TTN: variants seen among roughly 807,000 people sequenced by gnomAD.
TTN encodes the protein titin.
TTN carries 1,525 observed loss-of-function variants against 3,223.0 expected under a neutral mutation model. The ratio of observed to expected loss-of-function variants is 0.47; its 90% CI spans 0.45 to 0.49. The LOEUF is 0.49. Ranked by LOEUF, TTN falls within the 20% of genes least tolerant of loss-of-function variation. TTN has a pLI of 0.00. For missense variants in TTN, 40,786 were observed against 43,424.0 expected, an observed-to-expected ratio of 0.94 and a Z score of 5.40; for synonymous variants, 14,094 against 15,161.0, an observed-to-expected ratio of 0.93 and a Z score of 5.17.
At position 178,702,612 on chromosome 2, in the gene TTN, T is replaced by A; in HGVS notation, c.30275A>T (p.His10092Leu). 6.2e-7 allele frequency: 1 copy of A among 1,614,022 alleles called. No homozygotes were observed. The highest frequency in any genetic ancestry group is 2.2e-5 in the East Asian group (1 of 44,888). ...TTCACACTCAAAGGTGGCAGACTGA[T>A]GCTCACTCACCACGATGTTCTGTAT... ...KRIQNIVVSEHQSATFECEVS... is the reference protein window; with the variant it reads ...KRIQNIVVSELQSATFECEVS... The change falls in exon 107 of 363, where the codon CAT becomes CTT. Residue 10092 changes from histidine (H) to leucine (L), a missense_variant. Transcript: ENST00000589042.
chr2:178,613,812 C>A lies in TTN; in HGVS notation c.49471G>T (p.Asp16491Tyr). 6.2e-7 allele frequency: 1 copy of A among 1,612,638 alleles called. No individual in the cohort carries two copies. The highest frequency in any genetic ancestry group is 1.3e-5 in the African/African-American group (1 of 74,922). ...PITGYWVERLDPDTDKWVRCN... is the reference protein window; with the variant it reads ...PITGYWVERLYPDTDKWVRCN... ...CTAACCCATTTATCTGTATCAGGATCCAGTCTTTCAACCCAGTATCCTGTG... is the reference window on the plus strand; with the variant it reads ...CTAACCCATTTATCTGTATCAGGATACAGTCTTTCAACCCAGTATCCTGTG... The change falls in exon 263 of 363, where the codon GAT (aspartate) becomes TAT (tyrosine). Residue 16491 changes from aspartate (D) to tyrosine (Y), a missense_variant. Transcript: ENST00000589042.
In TTN at chr2:178,729,113, C is replaced by A; in HGVS notation, c.18925G>T (p.Ala6309Ser). 6.2e-7 allele frequency: 1 copy of A among 1,608,906 alleles called. No individual in the cohort carries two copies. The highest frequency in any genetic ancestry group is 8.5e-7 in the Non-Finnish European group (1 of 1,177,678). ...CCTGCCACGGTACTCTGAAAGGTGGCAGAACTTTTCAAAACAGTAGTGGTA... is the reference window on the plus strand; with the variant it reads ...CCTGCCACGGTACTCTGAAAGGTGGAAGAACTTTTCAAAACAGTAGTGGTA... ...ENTTTVLKSS[A>S]TFQSTVAGSP... is the part of the protein sequence containing the mutation. Residue 6309 changes from alanine (A) to serine (S), a missense_variant, in exon 65 of 363, where the codon GCC (alanine) becomes TCC (serine). Transcript: ENST00000589042.
chr2:178,599,098 A>G, intron 290 of TTN, 36 bp from the exon 291 acceptor site: 1 of 1,508,470 alleles, frequency 6.6e-7, no homozygotes, highest in Non-Finnish European at 8.8e-7. Flanking sequence ...AAGAAATTTA[A>G]AAAAAAAGTA....
chr2:178,668,969 A>G (rs1328292492), intron 159 of TTN, among the ~76,000 whole-genome samples: 1 of 151,824 alleles, frequency 6.6e-6, no homozygotes, highest in African/African-American at 2.4e-5. Context: ...AATGTTTCCA[A>G]TTATGGTTAT....
intron 71 of TTN, chr2:178,724,783 A>T (rs954527111): frequency 5.7e-6 from 2 of 348,830 alleles, no homozygotes; most frequent in African/African-American, 4.2e-5. Flanking sequence ...CTGTCGTCTT[A>T]TGTAGCAATT....
At position 178,663,641 on chromosome 2, in the gene TTN, A is replaced by T; in HGVS notation, c.36518T>A (p.Val12173Asp). 1 of 1,613,744 alleles carries T rather than the reference A, an allele frequency of 6.2e-7. No individual in the cohort carries two copies. The highest frequency in any genetic ancestry group is 8.5e-7 in the Non-Finnish European group (1 of 1,179,730). Residue 12173 changes from valine to aspartate, a missense_variant, in exon 171 of 363, where the codon GTC (valine) becomes GAC (aspartate). By Grantham distance (152) the Val-to-Asp change is radical. Coordinates refer to ENST00000589042, the MANE Select transcript of TTN (RefSeq NM_001267550.2). ...GTGACAAATACCTTTAACAGGTGGG[A>T]CTTCAGGCTCTTTAGGAGGAGCCAC... ...APVAPPKEPE[V>D]PPVKVPEAPK...
In TTN at chr2:178,554,422, G is replaced by A. The variant is rs747226424; in HGVS notation, c.88894+31C>T. 14 of 1,597,522 alleles carry A rather than the reference G, an allele frequency of 8.8e-6. No homozygotes were observed. The South Asian group carries it at 1.1e-4, about 13-fold the overall frequency. ...CGTAGTTTATTTTTAAATTTTTCACGTTTCAGTTTTCTAATGAAATCATGT... is the reference window on the plus strand; with the variant it reads ...CGTAGTTTATTTTTAAATTTTTCACATTTCAGTTTTCTAATGAAATCATGT... On this transcript the variant is annotated intron_variant, in intron 332 of 362. Coordinates refer to ENST00000589042, the MANE Select transcript of TTN (RefSeq NM_001267550.2).
Position 178,527,002 on chromosome 2 carries a change from A to G in TTN, c.*10T>C, listed in dbSNP as rs1286545168. 1.9e-6 allele frequency: 3 copies of G among 1,603,922 alleles called. No homozygotes were observed. The highest frequency in any genetic ancestry group is 2.6e-6 in the Non-Finnish European group (3 of 1,173,214). On this transcript the variant is annotated 3_prime_UTR_variant, in exon 363 of 363. Transcript: ENST00000589042. Reference sequence around the variant, plus strand: ...AAGAATGAGTGTAGAGTATAAGGGCACAGGCCCTCTTAAATGGATCGAATA... The same window carrying G: ...AAGAATGAGTGTAGAGTATAAGGGCGCAGGCCCTCTTAAATGGATCGAATA...
intron 88 of TTN, 136 bp downstream of exon 88, chr2:178,716,959 T>C (rs1333982044): frequency 2.1e-6 from 2 of 941,100 alleles, no homozygotes; most frequent in Non-Finnish European, 2.9e-6. Flanking sequence ...ATTTGGAAGG[T>C]CCTTGATCCA....
chr2:178,807,011 A>G (rs1255260225), intron 1 of TTN, among the ~76,000 whole-genome samples: 1 of 152,242 alleles, frequency 6.6e-6, no homozygotes, highest in Non-Finnish European at 1.5e-5. Context: ...CTGATATAAT[A>G]AAGCTTTCAA....
intron 127 of TTN, among the ~76,000 whole-genome samples, 169 bp downstream of exon 127, chr2:178,687,942 C>T (rs901830488): frequency 1.3e-5 from 2 of 152,068 alleles, no homozygotes; most frequent in Non-Finnish European, 2.9e-5. Context: ...CTAGTATAAT[C>T]CTCCTGAATC....
rs573165930 is a variant in TTN, at chr2:178,586,648, T to G, written c.64253A>C (p.Tyr21418Ser). The G allele has an allele frequency of 1.5e-5, 25 of 1,613,200 alleles. No individual in the cohort carries two copies. In the East Asian group the frequency reaches 4.7e-4, roughly 30 times the overall value. Residue 21418 changes from tyrosine to serine, a missense_variant, in exon 308 of 363, where the codon TAC becomes TCC. By Grantham distance (144) the Tyr-to-Ser change is moderately radical (BLOSUM62 -2). Coordinates refer to ENST00000589042, the MANE Select transcript of TTN (RefSeq NM_001267550.2). ...EEQPADRWTEYSVVKDLSLVV... is the reference protein window; with the variant it reads ...EEQPADRWTESSVVKDLSLVV... ...AAGGCTCAGATCTTTTACCACTGAG[T>G]ACTCTGTCCAGCGATCTGCAGGCTG...
chr2:178,560,643 C>A lies in TTN; in HGVS notation c.85489G>T (p.Ala28497Ser). ...IVEKRETSHLAWTICEGELQM... is the reference protein window; with the variant it reads ...IVEKRETSHLSWTICEGELQM... ...AACTCTCCTTCACATATTGTCCATG[C>A]AAGGTGGCTTGTTTCACGTTTTTCT... The change falls in exon 326 of 363, where the codon GCA (alanine) becomes TCA (serine). Residue 28497 changes from alanine to serine, a missense_variant. Physicochemically the swap from Ala to Ser is moderately conservative, Grantham distance 99. Transcript: ENST00000589042. 1 of 1,613,628 alleles carries A rather than the reference C, an allele frequency of 6.2e-7. No homozygotes were observed. The highest frequency in any genetic ancestry group is 8.5e-7 in the Non-Finnish European group (1 of 1,179,782).
intron 164 of TTN, 98 bp from the exon 165 acceptor site, chr2:178,665,558 G>T (rs2065785428): frequency 1.4e-6 from 2 of 1,403,864 alleles, no homozygotes; most frequent in Admixed American, 1.8e-5. Flanking sequence ...CTAAAAAGAT[G>T]ATTCCTTTAA....
At position 178,574,085 on chromosome 2, in the gene TTN, T is replaced by A. The variant is rs1709212928; in HGVS notation, c.72047A>T (p.Asp24016Val). 2.5e-6 allele frequency: 4 copies of A among 1,613,344 alleles called. No homozygotes were observed. The highest frequency in any genetic ancestry group is 3.4e-6 in the Non-Finnish European group (4 of 1,179,562). ...AACATCATCCCTGCAAGTGATAGCA[T>A]CAGATGGCTCAGATGGTGGACTGAT... Reference protein sequence around the residue: ...GAISPPSEPSDAITCRDDVEA... With the variant: ...GAISPPSEPSVAITCRDDVEA... Residue 24016 changes from aspartate to valine, a missense_variant, in exon 326 of 363, where the codon GAT becomes GTT. Transcript: ENST00000589042.
intron 209 of TTN, 30 bp from the exon 210 acceptor site, chr2:178,650,301 A>G (rs1264114010): frequency 6.6e-7 from 1 of 1,515,270 alleles, no homozygotes; most frequent in East Asian, 2.5e-5. Context: ...TTTTATTTCA[A>G]TGTATGGAAC....
chr2:178,747,996 G>T, intron 47 of TTN: 1 of 1,612,946 alleles, frequency 6.2e-7, no homozygotes, highest in South Asian at 1.1e-5. Context: ...GTATATTCCT[G>T]TGTCCCACCA....
rs756975730 is a variant in TTN at position 178,613,212 on chromosome 2, G to A, written c.49597C>T (p.Pro16533Ser). ...FRVLAENLAGPGKPSKSTEPI... is the reference protein window; with the variant it reads ...FRVLAENLAGSGKPSKSTEPI... ...TCAGTTGATTTGCTTGGTTTTCCAG[G>A]TCCAGCAAGATTTTCAGCCAACACA... The change falls in exon 264 of 363, where the codon CCT (proline) becomes TCT (serine). Residue 16533 changes from proline (P) to serine (S), a missense_variant. By Grantham distance (74) the Pro-to-Ser change is moderately conservative (BLOSUM62 -1). Transcript: ENST00000589042. 9 of 1,611,462 alleles carry A rather than the reference G, an allele frequency of 5.6e-6. No individual in the cohort carries two copies. Among genetic ancestry groups the A allele is most frequent in the Middle Eastern group, 1.6e-4 (1 of 6,066 alleles).
Position 178,706,575 on chromosome 2 carries a change from C to T in TTN, c.29299G>A (p.Gly9767Arg). ...EIRDTTKTDS[G>R]LYRCVAFNEH... is the part of the protein sequence containing the mutation. ...TTAAATGCCACGCATCGGTATAACC[C>T]AGAATCAGTTTTTGTGGTGTCCCTA... The change falls in exon 102 of 363, where the codon GGG (glycine) becomes AGG (arginine). Residue 9767 changes from glycine (G) to arginine (R), a missense_variant. Coordinates refer to ENST00000589042, the MANE Select transcript of TTN (RefSeq NM_001267550.2). 1 of 1,613,870 alleles carries T rather than the reference C, an allele frequency of 6.2e-7. No individual in the cohort carries two copies. The highest frequency in any genetic ancestry group is 8.5e-7 in the Non-Finnish European group (1 of 1,179,846).
Sources: allele counts gnomAD v4.1 joint callset (sites outside exome capture counted in the v4.1 genomes callset), GRCh38; gene constraint gnomAD v4.1.1; transcripts MANE v1.5; gene names NCBI Gene and HGNC (gene_info 2026-07-23, HGNC 2026-07-21).